Variants in MAML3 observed in about 807,000 individuals in gnomAD.
MAML3 encodes mastermind like transcriptional coactivator 3, also known as mastermind-like protein 3.
MAML3 carries 27 observed loss-of-function variants against 101.9 expected under a neutral mutation model. That is an observed-to-expected ratio of 0.27 (90% CI 0.20 to 0.37). The LOEUF is 0.37. MAML3 is among the 10% of genes least tolerant of loss of function. MAML3 has a pLI of 1.00. For missense variants in MAML3, 1,316 were observed against 1,444.9 expected (o/e 0.91, Z 1.45); for synonymous variants, 501 against 555.9 (o/e 0.90, Z 1.39).
At chr4:140,131,374 G>A (rs1212256609) in intron 1 of MAML3, among the ~76,000 whole-genome samples, 2 of 152,186 alleles carry the variant, frequency 1.3e-5, no homozygotes, top group East Asian at 3.9e-4. Context: ...AGGGAGTAGA[G>A]GGAAGAGCTC....
intron 4 of MAML3, 30 bp from the exon 5 acceptor site, chr4:139,720,353 C>A: frequency 6.6e-7 from 1 of 1,505,646 alleles, no homozygotes; most frequent in South Asian, 1.3e-5. Flanking sequence ...ACATACCACT[C>A]ACTCTTCTCC....
chr4:139,865,720 G>T (rs149416176), intron 2 of MAML3, among the ~76,000 whole-genome samples: 1 of 152,022 alleles, frequency 6.6e-6, no homozygotes, highest in Non-Finnish European at 1.5e-5. Context: ...CTGCAGTTAC[G>T]CCTTAGACAT....
At chr4:140,033,048 G>A (rs975975270) in intron 1 of MAML3, among the ~76,000 whole-genome samples, 2 of 152,168 alleles carry the variant, frequency 1.3e-5, no homozygotes, top group Non-Finnish European at 2.9e-5. Context: ...ATGAACGGGT[G>A]TTCAGAGCAT....
intron 1 of MAML3, among the ~76,000 whole-genome samples, chr4:140,047,429 A>C (rs1026261995): frequency 1.6e-4 from 25 of 152,194 alleles, no homozygotes; most frequent in African/African-American, 6.0e-4. Flanking sequence ...TACTTGGCGG[A>C]ATTGCAGCGC....
intron 1 of MAML3, among the ~76,000 whole-genome samples, chr4:139,992,173 G>C (rs1156231782): frequency 6.6e-6 from 1 of 152,152 alleles, no homozygotes; most frequent in African/African-American, 2.4e-5. Flanking sequence ...CTTGTAGCAG[G>C]CATTGAGTTC....
At chr4:139,911,826 G>T (rs1397630968) in intron 1 of MAML3, among the ~76,000 whole-genome samples, 2 of 152,198 alleles carry the variant, frequency 1.3e-5, no homozygotes, top group African/African-American at 4.8e-5. Flanking sequence ...CTGGCACCTT[G>T]ATCTTGGATT....
At chr4:139,940,315 C>T (rs934769201) in intron 1 of MAML3, among the ~76,000 whole-genome samples, 6 of 152,098 alleles carry the variant, frequency 3.9e-5, no homozygotes, top group Admixed American at 1.3e-4. Context: ...GTTTTCTCTA[C>T]GTGTATCCTA....
chr4:140,088,838 C>G (rs542549125), intron 1 of MAML3, among the ~76,000 whole-genome samples: 31 of 152,302 alleles, frequency 2.0e-4, no homozygotes, highest in African/African-American at 7.5e-4. Context: ...ACCCAGTCAT[C>G]AGATGTAAGC....
intron 2 of MAML3, among the ~76,000 whole-genome samples, chr4:139,831,780 G>A (rs753361479): frequency 3.0e-4 from 45 of 150,986 alleles, no homozygotes; most frequent in Non-Finnish European, 5.4e-4. Context: ...ATTCCAGGGA[G>A]TTGATCCCTC....
intron 2 of MAML3, among the ~76,000 whole-genome samples, chr4:139,844,596 T>C (rs1431308640): frequency 6.6e-6 from 1 of 152,244 alleles, no homozygotes; most frequent in Non-Finnish European, 1.5e-5. Context: ...AATAAGGCTG[T>C]CAGAGCAGTG....
chr4:139,868,072 A>G (rs1465513467), intron 2 of MAML3, among the ~76,000 whole-genome samples: 4 of 152,264 alleles, frequency 2.6e-5, no homozygotes, highest in Non-Finnish European at 4.4e-5. Flanking sequence ...ACTGTGGGAA[A>G]CAGGGAAACA....
intron 1 of MAML3, among the ~76,000 whole-genome samples, chr4:139,997,491 T>C (rs1053788214): frequency 2.7e-5 from 4 of 150,156 alleles, no homozygotes; most frequent in Non-Finnish European, 5.9e-5. Context: ...ATATATTATA[T>C]GTCATATACA....
intron 2 of MAML3, among the ~76,000 whole-genome samples, chr4:139,831,063 C>CAATG (rs1370300955): frequency 2.0e-5 from 3 of 152,096 alleles, no homozygotes; most frequent in African/African-American, 7.2e-5. Context: ...AAATTTGTAT[C>CAATG]AATGACACAA....
At chr4:140,142,547 G>C (rs1027822212) in intron 1 of MAML3, among the ~76,000 whole-genome samples, 1 of 152,120 alleles carries the variant, frequency 6.6e-6, no homozygotes. Context: ...TTTCATCTTT[G>C]AACAGCTTAA....
chr4:140,039,367 A>G (rs966882515), intron 1 of MAML3, among the ~76,000 whole-genome samples: 1 of 152,078 alleles, frequency 6.6e-6, no homozygotes, highest in African/African-American at 2.4e-5. Flanking sequence ...GGAAATCCAC[A>G]GGCCCACTAA....
intron 1 of MAML3, among the ~76,000 whole-genome samples, chr4:140,132,786 C>A (rs1052549369): frequency 6.6e-6 from 1 of 152,140 alleles, no homozygotes; most frequent in Non-Finnish European, 1.5e-5. Context: ...TTCCTATATG[C>A]GGCATATTTT....
At chr4:139,914,497 G>GA (rs916522843) in intron 1 of MAML3, among the ~76,000 whole-genome samples, 116 of 150,574 alleles carry the variant, frequency 7.7e-4, no homozygotes, top group African/African-American at 2.3e-3. Context: ...TTGTGGGGAG[G>GA]AAAAAAAAAG....
At chr4:139,998,506 T>C (rs1734861262) in intron 1 of MAML3, among the ~76,000 whole-genome samples, 1 of 152,256 alleles carries the variant, frequency 6.6e-6, no homozygotes, top group South Asian at 2.1e-4. Flanking sequence ...AGTCTTTTTA[T>C]ACTTGTTTTA....
At chr4:139,901,651 A>C (rs914955690) in intron 1 of MAML3, among the ~76,000 whole-genome samples, 3 of 152,232 alleles carry the variant, frequency 2.0e-5, no homozygotes, top group Non-Finnish European at 4.4e-5. Flanking sequence ...ATGGCAAATG[A>C]AAAGATCAGA....
Sources: allele counts gnomAD v4.1 joint callset (sites outside exome capture counted in the v4.1 genomes callset), GRCh38; gene constraint gnomAD v4.1.1; transcripts MANE v1.5; gene names NCBI Gene and HGNC (gene_info 2026-07-23, HGNC 2026-07-21).